The following ITGB1 variants were observed in gnomAD, a reference collection of about 807,000 sequenced individuals.
ITGB1 encodes the protein integrin beta-1.
In ITGB1, 24 loss-of-function variants were observed where a neutral mutation model predicts 86.5. The ratio of observed to expected loss-of-function variants is 0.28; its 90% CI spans 0.20 to 0.39. The LOEUF (loss-of-function observed/expected upper bound fraction) is 0.39, where lower values mean the gene tolerates loss of function less well. Ranked by LOEUF, ITGB1 falls within the 10% of genes least tolerant of loss-of-function variation. ITGB1 has a pLI of 1.00. For synonymous variants in ITGB1, 323 were observed against 316.8 expected, an observed-to-expected ratio of 1.02 and a Z score of -0.21; for missense variants, 556 against 946.9, an observed-to-expected ratio of 0.59 and a Z score of 5.42.
At chr10:32,937,199 G>A (rs189107934) in intron 1 of ITGB1, among the ~76,000 whole-genome samples, 2 of 152,214 alleles carry the variant, frequency 1.3e-5, no homozygotes, top group East Asian at 1.9e-4. Flanking sequence ...CCAATAACAG[G>A]GAAATCTAAC....
chr10:32,933,254 T>A (rs1435930304), intron 2 of ITGB1: 1 of 152,152 alleles, frequency 6.6e-6, no homozygotes, highest in Non-Finnish European at 1.5e-5. Flanking sequence ...CAAGACATAA[T>A]TCAGAATTTA....
intron 15 of ITGB1, among the ~76,000 whole-genome samples, chr10:32,903,146 G>C (rs1031732657): frequency 9.2e-5 from 14 of 151,806 alleles, no homozygotes; most frequent in Non-Finnish European, 1.6e-4. Flanking sequence ...TTGGTGAGGA[G>C]TTTGAGATCA....
chr10:32,929,671 A>C (rs1280326305), intron 4 of ITGB1, 151 bp downstream of exon 4: 1 of 602,276 alleles, frequency 1.7e-6, no homozygotes, highest in Non-Finnish European at 3.0e-6. Flanking sequence ...TATCTGCAAA[A>C]ATTTTCTAAA....
chr10:32,908,184 A>G (rs1014353646), intron 15 of ITGB1, 184 bp downstream of exon 15: 2 of 613,134 alleles, frequency 3.3e-6, no homozygotes, highest in African/African-American at 1.8e-5. Flanking sequence ...TTTTGTTTCA[A>G]TGGGATATAT....
At chr10:32,954,909 A>C (rs1454401511) in intron 1 of ITGB1, among the ~76,000 whole-genome samples, 1 of 152,108 alleles carries the variant, frequency 6.6e-6, no homozygotes, top group African/African-American at 2.4e-5. Flanking sequence ...ACCTCTAAAA[A>C]CTCACAGCCA....
chr10:32,931,585 A>G (rs1047133334), intron 3 of ITGB1, among the ~76,000 whole-genome samples: 5 of 152,116 alleles, frequency 3.3e-5, no homozygotes, highest in African/African-American at 9.7e-5. Context: ...ACTGTTGCCA[A>G]TGTAATCCCA....
chr10:32,909,964 T>A (rs1264415756), intron 14 of ITGB1, among the ~76,000 whole-genome samples: 2 of 152,206 alleles, frequency 1.3e-5, no homozygotes, highest in Non-Finnish European at 2.9e-5. Flanking sequence ...AAGTGTCTTA[T>A]ATAAATCACT....
chr10:32,949,015 A>G (rs978440523), intron 1 of ITGB1, among the ~76,000 whole-genome samples: 1 of 149,394 alleles, frequency 6.7e-6, no homozygotes, highest in Admixed American at 6.7e-5. Context: ...GGGCCAGACT[A>G]GGCACAGGCA....
chr10:32,957,387 C>A (rs1323123729), intron 1 of ITGB1, among the ~76,000 whole-genome samples: 3 of 152,210 alleles, frequency 2.0e-5, no homozygotes, highest in Non-Finnish European at 4.4e-5. Context: ...CTCAGGCTCG[C>A]GGACCGGGTC....
At chr10:32,902,176 A>G (rs2094883664) in intron 15 of ITGB1, among the ~76,000 whole-genome samples, 1 of 152,190 alleles carries the variant, frequency 6.6e-6, no homozygotes. Flanking sequence ...CCACCAAGTC[A>G]CACTGCCAAA....
chr10:32,944,816 C>T, intron 1 of ITGB1: 1 of 936,130 alleles, frequency 1.1e-6, no homozygotes, highest in Non-Finnish European at 1.7e-6. Flanking sequence ...ATTCAACCCT[C>T]CCAAAACTGT....
intron 1 of ITGB1, chr10:32,944,596 G>A: frequency 1.8e-6 from 1 of 549,040 alleles, no homozygotes; most frequent in South Asian, 1.6e-5. Flanking sequence ...ATGATGTCAT[G>A]ACTCAGCTGG....
intron 9 of ITGB1, 119 bp downstream of exon 9, chr10:32,922,136 TAA>T (rs1565824251): frequency 1.4e-5 from 8 of 571,076 alleles, no homozygotes; most frequent in Non-Finnish European, 1.8e-5. Context: ...ATACAGAATT[TAA>T]GTTTTTCTGT....
intron 3 of ITGB1, among the ~76,000 whole-genome samples, chr10:32,930,715 A>AT (rs1394833212): frequency 1.3e-5 from 2 of 152,172 alleles, no homozygotes; most frequent in Admixed American, 6.5e-5. Flanking sequence ...AAAAGGTCCT[A>AT]ATGGCAGGTA....
At chr10:32,911,393 C>T in intron 13 of ITGB1, 55 bp downstream of exon 13, 1 of 1,457,186 alleles carries the variant, frequency 6.9e-7, no homozygotes. Context: ...ACAATACAGG[C>T]TTAGGAGAGC....
chr10:32,906,541 T>G (rs1439990013), intron 15 of ITGB1: 1 of 214,350 alleles, frequency 4.7e-6, no homozygotes, highest in Non-Finnish European at 1.0e-5. Flanking sequence ...AGTGAGCTGA[T>G]ATCACACCAC....
At chr10:32,909,989 A>C (rs1227978263) in intron 14 of ITGB1, among the ~76,000 whole-genome samples, 3 of 152,166 alleles carry the variant, frequency 2.0e-5, no homozygotes, top group Non-Finnish European at 2.9e-5. Context: ...GTCTTATATA[A>C]ATCACTGTAT....
rs760948212 is a variant in ITGB1, at chr10:32,911,612, T to C, written c.1767A>G (p.Ala589=). Reference sequence around the variant, plus strand: ...TACTAGTATCCAAAGAACAGTCACATGCACTGCCAGTGTAGTTGGGGTTGC... The same window carrying C: ...TACTAGTATCCAAAGAACAGTCACACGCACTGCCAGTGTAGTTGGGGTTGC... The part of the protein sequence containing the change: ...CECNPNYTGS[A]CDCSLDTSTC... Residue 589 remains alanine (A), a synonymous_variant, in exon 13 of 16, where the codon GCA becomes GCG. Coordinates refer to ENST00000302278, the MANE Select transcript of ITGB1 (RefSeq NM_002211.4). The C allele has an allele frequency of 6.2e-7, 1 of 1,614,200 alleles. No individual in the cohort carries two copies. The highest frequency in any genetic ancestry group is 8.5e-7 in the Non-Finnish European group (1 of 1,180,018).
In ITGB1 at chr10:32,956,354, TA is replaced by T. The variant is rs2095052048; in HGVS notation, c.-1+1790del. ...TGTGGTTTAAGAAAGGTGTCTAATCTAAATTCCTCTAGCATGTTATTTTTGT... is the reference window on the plus strand; with the variant it reads ...TGTGGTTTAAGAAAGGTGTCTAATCTAATTCCTCTAGCATGTTATTTTTGT... On this transcript the variant is annotated intron_variant, in intron 1 of 15. Transcript: ENST00000302278. 3.3e-5 allele frequency among the ~76,000 whole-genome samples: 5 copies of T among 151,230 alleles called. No individual in the cohort carries two copies. In the South Asian group the frequency reaches 1.0e-3, roughly 32 times the overall value.
Sources: gnomAD v4.1 joint callset for allele counts (sites outside exome capture counted in the v4.1 genomes callset) on GRCh38, gnomAD v4.1.1 for gene constraint, MANE v1.5 for transcripts, NCBI Gene and HGNC (gene_info 2026-07-23, HGNC 2026-07-21) for gene names.